Variants in PCDHA12 observed in about 807,000 individuals in gnomAD.
PCDHA12 encodes protocadherin alpha 12, also known as protocadherin alpha-12.
Under a neutral mutation model 60.0 loss-of-function variants are expected in PCDHA12, and 44 were observed. That is an observed-to-expected ratio of 0.73 (90% CI 0.58 to 0.94). The LOEUF (loss-of-function observed/expected upper bound fraction) is 0.94. Among genes scored for constraint, PCDHA12 ranks in the 40% least tolerant of loss-of-function variants. The pLI is 0.00. For synonymous variants in PCDHA12, 569 were observed against 553.0 expected (o/e 1.03, Z -0.40); for missense variants, 1,276 against 1,239.7 (o/e 1.03, Z -0.44).
At chr5:140,889,263 GTA>G (rs1262739748) in intron 1 of PCDHA12, among the ~76,000 whole-genome samples, 1 of 151,748 alleles carries the variant, frequency 6.6e-6, no homozygotes, top group Admixed American at 6.6e-5. Flanking sequence ...GTAAAAGTTT[GTA>G]TAATCTTTGA....
At position 140,982,510 on chromosome 5, in the gene PCDHA12, C is replaced by T; in HGVS notation, c.2462C>T (p.Ala821Val). 6.2e-7 allele frequency: 1 copy of T among 1,614,170 alleles called. No homozygotes were observed. The highest frequency in any genetic ancestry group is 8.5e-7 in the Non-Finnish European group (1 of 1,180,020). The change falls in exon 3 of 4, where the codon GCT becomes GTT. Residue 821 changes from alanine to valine, a missense_variant. Ala to Val is a moderately conservative substitution (Grantham distance 64, BLOSUM62 0). Coordinates refer to ENST00000398631, the MANE Select transcript of PCDHA12 (RefSeq NM_018903.4). ...CTAGAGGAGGCTGGCATTCTACGGGCTGGTCCAGGAGGGCCTGATCAGCAG... is the reference window on the plus strand; with the variant it reads ...CTAGAGGAGGCTGGCATTCTACGGGTTGGTCCAGGAGGGCCTGATCAGCAG... ...VHLEEAGILR[A>V]GPGGPDQQWP...
intron 1 of PCDHA12, among the ~76,000 whole-genome samples, chr5:140,947,597 G>A (rs1231530518): frequency 1.3e-5 from 2 of 151,586 alleles, no homozygotes; most frequent in African/African-American, 4.8e-5. Context: ...TCAATTTAGG[G>A]AAGATTTGGT....
intron 3 of PCDHA12, among the ~76,000 whole-genome samples, chr5:141,005,659 G>T (rs963015988): frequency 1.6e-5 from 2 of 123,890 alleles, no homozygotes; most frequent in South Asian, 2.6e-4. Flanking sequence ...TCGAGATCGC[G>T]CCACTGCACT....
rs369720251 is a variant in PCDHA12 at position 140,883,769 on chromosome 5, G to A, written c.2367+5930G>A. 9.3e-6 allele frequency: 15 copies of A among 1,612,378 alleles called. No homozygotes were observed. The South Asian group carries it at 1.2e-4, about 13-fold the overall frequency. On this transcript the variant is annotated intron_variant, in intron 1 of 3. Transcript: ENST00000398631. ...CTCGCTGGTGGAGCGGCGGGTGGGC[G>A]AGCGTGCGCTGTCGAGCTACGTGTC...
intron 1 of PCDHA12, among the ~76,000 whole-genome samples, chr5:140,948,015 C>CCTTTT (rs71276332): frequency 0.56 from 84,575 of 150,344 alleles, 24,313 homozygotes; most frequent in African/African-American, 0.69. Context: ...TAGGAAGTAC[C>CCTTTT]CTTTCTGGTT....
At chr5:140,933,119 G>A (rs782069505) in intron 1 of PCDHA12, among the ~76,000 whole-genome samples, 1 of 151,936 alleles carries the variant, frequency 6.6e-6, no homozygotes, top group African/African-American at 2.4e-5. Context: ...AAGAAACAAA[G>A]CTAAATAATA....
Position 140,875,866 on chromosome 5 carries a change from G to T in PCDHA12, c.394G>T (p.Val132Leu). 6.2e-7 allele frequency: 1 copy of T among 1,614,192 alleles called. No homozygotes were observed. Among genetic ancestry groups the T allele is most frequent in the Non-Finnish European group, 8.5e-7 (1 of 1,180,030 alleles). ...GAAGGACATTAACGACAACCCGCCG[G>T]TGTTCAGAGAAAGGGAACAAAAGGT... ...EVKDINDNPP[V>L]FREREQKVPV... Residue 132 changes from valine (V) to leucine (L), a missense_variant, in exon 1 of 4, where the codon GTG becomes TTG. Val to Leu is a conservative substitution (Grantham distance 32). Transcript: ENST00000398631.
At chr5:140,924,812 T>G (rs947021976) in intron 1 of PCDHA12, among the ~76,000 whole-genome samples, 2 of 151,424 alleles carry the variant, frequency 1.3e-5, no homozygotes, top group African/African-American at 4.9e-5. Flanking sequence ...AGAGAATCGC[T>G]TGAACCTGGG....
At position 141,009,931 on chromosome 5, in the gene PCDHA12, C is replaced by T. The variant is rs2098415407; in HGVS notation, c.2820C>T (p.Asp940=). ...EKGNSTTDNS[D]Q ...GGAACAGCACGACTGACAACAGTGA[C>T]CAGTGAGGTCCTCAAATGGAAACAA... Residue 940 remains aspartate (D), a synonymous_variant, in exon 4 of 4, where the codon GAC becomes GAT. Transcript: ENST00000398631. The T allele has an allele frequency of 6.2e-7, 1 of 1,601,706 alleles. No individual in the cohort carries two copies. The highest frequency in any genetic ancestry group is 8.5e-7 in the Non-Finnish European group (1 of 1,175,864).
chr5:140,901,839 A>T (rs578262204), intron 1 of PCDHA12, among the ~76,000 whole-genome samples: 1 of 152,108 alleles, frequency 6.6e-6, no homozygotes, highest in Non-Finnish European at 1.5e-5. Flanking sequence ...TAAACATGCA[A>T]TATCTTTCCA....
intron 3 of PCDHA12, among the ~76,000 whole-genome samples, chr5:140,995,391 G>A (rs2097681152): frequency 1.3e-5 from 2 of 152,170 alleles, no homozygotes; most frequent in African/African-American, 2.4e-5. Context: ...AGGATAAAGC[G>A]GGATGGCTCG....
rs1460408085 is a variant in PCDHA12, at chr5:140,900,316, C to T, written c.2367+22477C>T. On this transcript the variant is annotated intron_variant, in intron 1 of 3. Coordinates refer to ENST00000398631, the MANE Select transcript of PCDHA12 (RefSeq NM_018903.4). ...TTTTTTTAGACAGTCTCACTTTTGT[C>T]GCCCAGGCTGGAGTACCGTGGCGCA... Among the ~76,000 whole-genome samples the T allele has an allele frequency of 1.2e-4, 18 of 152,172 alleles. No individual in the cohort carries two copies. The East Asian group carries it at 2.7e-3, about 23-fold the overall frequency.
chr5:140,896,188 G>C (rs1554186861), intron 1 of PCDHA12, among the ~76,000 whole-genome samples: 1 of 152,132 alleles, frequency 6.6e-6, no homozygotes, highest in Non-Finnish European at 1.5e-5. Context: ...ATTGTGAATA[G>C]TGCCATGATG....
At chr5:140,942,619 T>A in intron 1 of PCDHA12, among the ~76,000 whole-genome samples, 1 of 148,900 alleles carries the variant, frequency 6.7e-6, no homozygotes. Context: ...TTGCCAATTG[T>A]AAAAAAAAAA....
intron 1 of PCDHA12, chr5:140,927,515 G>A (rs782499434): frequency 1.2e-6 from 2 of 1,614,100 alleles, no homozygotes; most frequent in South Asian, 1.1e-5. Flanking sequence ...GCTCGGGACG[G>A]CGGGCTACCT....
intron 1 of PCDHA12, among the ~76,000 whole-genome samples, chr5:140,901,330 C>T (rs576918477): frequency 6.6e-6 from 1 of 152,108 alleles, no homozygotes; most frequent in African/African-American, 2.4e-5. Flanking sequence ...TTCTTGTAGT[C>T]GTTTTATAGT....
chr5:141,005,959 A>G (rs1225421383), intron 3 of PCDHA12, among the ~76,000 whole-genome samples: 1 of 152,048 alleles, frequency 6.6e-6, no homozygotes, highest in African/African-American at 2.4e-5. Context: ...ACAAACAACA[A>G]TAAAAAAACA....
intron 3 of PCDHA12, among the ~76,000 whole-genome samples, chr5:140,984,004 A>G (rs1039333145): frequency 6.6e-6 from 1 of 152,196 alleles, no homozygotes; most frequent in Admixed American, 6.5e-5. Context: ...TTAGAGAGCT[A>G]ATATTGCCAG....
chr5:140,980,229 T>C (rs2096881022), intron 2 of PCDHA12, among the ~76,000 whole-genome samples: 1 of 152,232 alleles, frequency 6.6e-6, no homozygotes, highest in South Asian at 2.1e-4. Flanking sequence ...TCTGAGCTGT[T>C]GGTGGAGACA....
Sources: allele counts gnomAD v4.1 joint callset (sites outside exome capture counted in the v4.1 genomes callset), GRCh38; gene constraint gnomAD v4.1.1; transcripts MANE v1.5; gene names NCBI Gene and HGNC (gene_info 2026-07-23, HGNC 2026-07-21).